The following WDR35 variants were observed in gnomAD, a reference collection of about 807,000 sequenced individuals.
WDR35 encodes the protein WD repeat domain 35.
In WDR35, 118 loss-of-function variants were observed where a neutral mutation model predicts 158.3. That is an observed-to-expected ratio of 0.75 (90% CI 0.64 to 0.87). The LOEUF is 0.87. WDR35 is among the 40% of genes least tolerant of loss of function. The pLI, the probability that WDR35 is intolerant of heterozygous loss-of-function variation, is 0.00. For missense variants in WDR35, 1,263 were observed against 1,405.8 expected (o/e 0.90, Z 1.62); for synonymous variants, 448 against 476.1 (o/e 0.94, Z 0.77).
At chr2:19,960,964 A>T (rs574159544) in intron 10 of WDR35, among the ~76,000 whole-genome samples, 1 of 152,360 alleles carries the variant, frequency 6.6e-6, no homozygotes, top group South Asian at 2.1e-4. Flanking sequence ...ATAAGCATGG[A>T]TTTAAAAATT....
chr2:19,987,883 G>C lies in WDR35; in HGVS notation c.142+1282C>G, dbSNP rs546012488. Reference sequence around the variant, plus strand: ...TTGTAAGCAAAAGTATGTATATACAGACACACATATATATATATACACACG... The same window carrying C: ...TTGTAAGCAAAAGTATGTATATACACACACACATATATATATATACACACG... On this transcript the variant is annotated intron_variant, in intron 2 of 26. Transcript: ENST00000281405. Among the ~76,000 whole-genome samples, 7 of 141,014 alleles carry C rather than the reference G, an allele frequency of 5.0e-5. No individual in the cohort carries two copies. The South Asian group carries it at 1.6e-3, about 31-fold the overall frequency. 92.5% of individuals were successfully genotyped at this position (141,014 alleles called of 152,430 possible). A position where few individuals can be genotyped will look rare whatever the true frequency, so the allele number is the denominator to read the frequency against.
chr2:19,937,988 A>G, intron 18 of WDR35, 42 bp from the exon 19 acceptor site: 1 of 1,603,450 alleles, frequency 6.2e-7, no homozygotes, highest in South Asian at 1.1e-5. Flanking sequence ...CATATTGCAA[A>G]TTACTGACAA....
chr2:19,973,500 T>C, intron 8 of WDR35, 63 bp downstream of exon 8: 1 of 1,606,976 alleles, frequency 6.2e-7, no homozygotes, highest in Non-Finnish European at 8.5e-7. Flanking sequence ...TGTTATTTTT[T>C]CCTCTACCTT....
At chr2:19,935,846 A>G (rs1670675860) in intron 20 of WDR35, among the ~76,000 whole-genome samples, 1 of 142,128 alleles carries the variant, frequency 7.0e-6, no homozygotes, top group South Asian at 2.4e-4. Flanking sequence ...ACTGACATAA[A>G]TAAGCATACT....
intron 8 of WDR35, among the ~76,000 whole-genome samples, chr2:19,972,229 T>C (rs976596458): frequency 2.0e-5 from 3 of 152,194 alleles, no homozygotes; most frequent in Non-Finnish European, 4.4e-5. Flanking sequence ...ATTCCCCATA[T>C]ATTCACTCAC....
chr2:19,935,021 G>T (rs1486125460), intron 21 of WDR35: 4 of 153,360 alleles, frequency 2.6e-5, no homozygotes, highest in East Asian at 1.9e-4. Context: ...GAAAGCAAGA[G>T]AACTCTTTCC....
At chr2:19,958,274 G>A (rs534451738) in intron 11 of WDR35, among the ~76,000 whole-genome samples, 35 of 152,262 alleles carry the variant, frequency 2.3e-4, no homozygotes, top group Non-Finnish European at 3.1e-4. Flanking sequence ...TGCAAATGCC[G>A]TTTTCTTTCC....
rs1670667387 is a variant in WDR35, at chr2:19,935,584, A to G, written c.2434T>C (p.Tyr812His). The G allele has an allele frequency of 1.2e-6, 2 of 1,612,694 alleles. No homozygotes were observed. The highest frequency in any genetic ancestry group is 1.3e-5 in the African/African-American group (1 of 75,028). Residue 812 changes from tyrosine (Y) to histidine (H), a missense_variant, in exon 21 of 27, where the codon TAT becomes CAT. Physicochemically the swap from Tyr to His is moderately conservative, Grantham distance 83. Transcript: ENST00000281405. Reference protein sequence around the residue: ...RQKWLNAVQYYVQGRNQERLA... With the variant: ...RQKWLNAVQYHVQGRNQERLA... The stretch of plus-strand genomic sequence containing the variant: ...CGTTCCTGGTTCCGTCCTTGTACAT[A>G]ATATTGTACAGCATTCAACCTACAG...
chr2:19,978,233 G>C (rs1672272277), intron 5 of WDR35, among the ~76,000 whole-genome samples: 1 of 151,800 alleles, frequency 6.6e-6, no homozygotes, highest in African/African-American at 2.4e-5. Context: ...GCGAGCGAGA[G>C]AGAGAAATAA....
chr2:19,917,427 G>A (rs1670024269), intron 25 of WDR35, among the ~76,000 whole-genome samples: 2 of 152,174 alleles, frequency 1.3e-5, no homozygotes, highest in African/African-American at 2.4e-5. Context: ...TTCAGAAGGT[G>A]GGTAATAACA....
intron 25 of WDR35, 82 bp downstream of exon 25, chr2:19,930,314 T>C: frequency 1.3e-6 from 2 of 1,596,464 alleles, no homozygotes; most frequent in Non-Finnish European, 1.7e-6. Flanking sequence ...GAAGGCCACA[T>C]AAAGGCAAAT....
chr2:19,933,644 G>A (rs545649881), intron 21 of WDR35, 133 bp from the exon 22 acceptor site: 3 of 742,190 alleles, frequency 4.0e-6, no homozygotes, highest in Non-Finnish European at 6.9e-6. Flanking sequence ...GTAAACAGAC[G>A]CAAGGGCAGA....
intron 3 of WDR35, 45 bp from the exon 4 acceptor site, chr2:19,980,828 AT>A (rs1219527124): frequency 1.9e-6 from 3 of 1,549,440 alleles, no homozygotes; most frequent in Non-Finnish European, 1.8e-6. Flanking sequence ...GTTACAATTA[AT>A]TTCAAATTCA....
At chr2:19,969,665 A>G (rs1017380827) in intron 8 of WDR35, 60 bp from the exon 9 acceptor site, 5 of 1,551,162 alleles carry the variant, frequency 3.2e-6, no homozygotes, top group Middle Eastern at 1.7e-4. Flanking sequence ...ACAAATTACC[A>G]CCAATCACTT....
At chr2:19,960,415 G>T in intron 11 of WDR35, 139 bp downstream of exon 11, 1 of 676,262 alleles carries the variant, frequency 1.5e-6, no homozygotes, top group Non-Finnish European at 2.5e-6. Context: ...AACTGGTACT[G>T]GATCTGACAA....
chr2:19,989,299 AG>A lies in WDR35; in HGVS notation c.25-18del. On this transcript the variant is annotated intron_variant, in intron 1 of 26. Transcript: ENST00000281405. ...AATGGAAATCTGAAAAAGCAACCACAGCCGCACTAGCAACTTTTCACGAAGG... is the reference window on the plus strand; with the variant it reads ...AATGGAAATCTGAAAAAGCAACCACACCGCACTAGCAACTTTTCACGAAGG... The A allele has an allele frequency of 5.0e-6, 8 of 1,603,964 alleles. No individual in the cohort carries two copies. Among genetic ancestry groups the A allele is most frequent in the Non-Finnish European group, 6.8e-6 (8 of 1,170,714 alleles).
intron 11 of WDR35, among the ~76,000 whole-genome samples, chr2:19,959,464 A>AATATATATATATATATT (rs1671559689): frequency 6.6e-6 from 1 of 152,030 alleles, no homozygotes; most frequent in East Asian, 1.9e-4. Context: ...AGGAACACTA[A>AATATATATATATATATT]TGTGTATATA....
chr2:19,989,763 G>C (rs533331911), intron 1 of WDR35, among the ~76,000 whole-genome samples: 1 of 152,322 alleles, frequency 6.6e-6, no homozygotes, highest in South Asian at 2.1e-4. Context: ...ACCTAGCCAG[G>C]GGCAGGAATG....
intron 25 of WDR35, among the ~76,000 whole-genome samples, chr2:19,918,852 A>G (rs1670070627): frequency 6.6e-6 from 1 of 152,186 alleles, no homozygotes; most frequent in Admixed American, 6.5e-5. Context: ...ACAGAAAATT[A>G]ACAAGGATAT....
Sources: gnomAD v4.1 joint callset for allele counts (sites outside exome capture counted in the v4.1 genomes callset) on GRCh38, gnomAD v4.1.1 for gene constraint, MANE v1.5 for transcripts, NCBI Gene and HGNC (gene_info 2026-07-23, HGNC 2026-07-21) for gene names.